Variants in NRG3 observed in about 807,000 individuals in gnomAD.
The protein encoded by NRG3 is neuregulin 3, also known as pro-neuregulin-3, membrane-bound isoform.
A neutral mutation model predicts 66.9 loss-of-function variants in NRG3; 31 were observed. That is an observed-to-expected ratio of 0.46 (90% CI 0.35 to 0.63). The LOEUF (loss-of-function observed/expected upper bound fraction) is 0.63. NRG3 is among the 20% of genes least tolerant of loss of function. NRG3 has a pLI of 0.00. For missense variants in NRG3, 910 were observed against 878.9 expected, an observed-to-expected ratio of 1.04 and a Z score of -0.45; for synonymous variants, 393 against 359.4, an observed-to-expected ratio of 1.09 and a Z score of -1.06.
chr10:82,918,713 C>T (rs1846121888), intron 4 of NRG3, among the ~76,000 whole-genome samples: 1 of 152,154 alleles, frequency 6.6e-6, no homozygotes, highest in South Asian at 2.1e-4. Context: ...AGGAAAAGTC[C>T]TGATATCCAT....
chr10:82,853,944 T>G (rs1271467463), intron 3 of NRG3, among the ~76,000 whole-genome samples: 1 of 152,218 alleles, frequency 6.6e-6, no homozygotes, highest in Non-Finnish European at 1.5e-5. Flanking sequence ...TTGCCATAGA[T>G]GGCTTTTATG....
intron 3 of NRG3, among the ~76,000 whole-genome samples, chr10:82,758,156 G>C (rs75901310): frequency 1.3e-5 from 2 of 152,018 alleles, no homozygotes; most frequent in Non-Finnish European, 2.9e-5. Context: ...TGCTTTTATT[G>C]TGTCATTTGA....
chr10:82,767,245 C>G (rs1358827102), intron 3 of NRG3, among the ~76,000 whole-genome samples: 1 of 151,982 alleles, frequency 6.6e-6, no homozygotes, highest in Non-Finnish European at 1.5e-5. Context: ...AAACAGATAC[C>G]TTCTCAATCT....
intron 1 of NRG3, among the ~76,000 whole-genome samples, chr10:82,110,545 G>T (rs1350915474): frequency 6.6e-6 from 1 of 152,228 alleles, no homozygotes; most frequent in Non-Finnish European, 1.5e-5. Flanking sequence ...TCCATGAAAT[G>T]ATGGCTTGGA....
chr10:82,305,185 TG>T (rs1269830026), intron 1 of NRG3, among the ~76,000 whole-genome samples: 1 of 151,620 alleles, frequency 6.6e-6, no homozygotes, highest in Admixed American at 6.6e-5. Flanking sequence ...TTAGTAGAGA[TG>T]GGGTTTCACC....
intron 4 of NRG3, 101 bp from the exon 5 acceptor site, chr10:82,951,368 T>G: frequency 1.2e-6 from 1 of 813,718 alleles, no homozygotes; most frequent in African/African-American, 1.7e-5. Context: ...ACCAAAAAGT[T>G]GGCTTTGAAA....
At chr10:82,305,538 G>A (rs1392745780) in intron 1 of NRG3, among the ~76,000 whole-genome samples, 2 of 151,918 alleles carry the variant, frequency 1.3e-5, no homozygotes, top group Non-Finnish European at 2.9e-5. Flanking sequence ...ATAAAATATT[G>A]AATTTCCATT....
intron 2 of NRG3, among the ~76,000 whole-genome samples, chr10:82,588,776 C>T (rs979822690): frequency 1.3e-5 from 2 of 152,194 alleles, no homozygotes; most frequent in African/African-American, 2.4e-5. Flanking sequence ...GTTGGGATTA[C>T]AGGCGTGAGC....
chr10:82,177,516 A>T (rs2073121502), intron 1 of NRG3, among the ~76,000 whole-genome samples: 1 of 152,220 alleles, frequency 6.6e-6, no homozygotes, highest in African/African-American at 2.4e-5. Flanking sequence ...CGTATTACTT[A>T]GAGCATAATC....
At chr10:82,341,900 A>G (rs983258352) in intron 1 of NRG3, among the ~76,000 whole-genome samples, 1 of 152,042 alleles carries the variant, frequency 6.6e-6, no homozygotes, top group Non-Finnish European at 1.5e-5. Context: ...TATTTTACTT[A>G]GGATCGTTGC....
intron 1 of NRG3, among the ~76,000 whole-genome samples, chr10:82,220,447 G>T (rs2075886908): frequency 6.6e-6 from 1 of 152,054 alleles, no homozygotes; most frequent in Admixed American, 6.5e-5. Flanking sequence ...CCTTCACTTT[G>T]TTATGTATGG....
intron 2 of NRG3, among the ~76,000 whole-genome samples, chr10:82,398,854 G>C (rs1230472293): frequency 6.6e-6 from 1 of 152,112 alleles, no homozygotes; most frequent in Non-Finnish European, 1.5e-5. Flanking sequence ...GAAGGAATCA[G>C]CTTGAGCTGC....
chr10:82,786,042 G>A (rs1343023659), intron 3 of NRG3, among the ~76,000 whole-genome samples: 2 of 152,132 alleles, frequency 1.3e-5, no homozygotes, highest in Non-Finnish European at 2.9e-5. Flanking sequence ...CTTGTCACAG[G>A]GATGGTGCCA....
intron 1 of NRG3, among the ~76,000 whole-genome samples, chr10:81,982,150 C>G (rs1349172635): frequency 1.3e-5 from 2 of 152,184 alleles, no homozygotes; most frequent in African/African-American, 2.4e-5. Flanking sequence ...ACTGTACCTT[C>G]AACACTTTGC....
At chr10:82,125,510 T>C (rs1590203819) in intron 1 of NRG3, among the ~76,000 whole-genome samples, 1 of 152,180 alleles carries the variant, frequency 6.6e-6, no homozygotes, top group Non-Finnish European at 1.5e-5. Context: ...AAATGATAAC[T>C]AGCTGGGACA....
chr10:82,571,931 G>A lies in NRG3; in HGVS notation c.954-166646G>A, dbSNP rs375099894. Among the ~76,000 whole-genome samples, 5 of 151,636 alleles carry A rather than the reference G, an allele frequency of 3.3e-5. No individual in the cohort carries two copies. In the East Asian group the frequency reaches 7.8e-4, roughly 24 times the overall value. On this transcript the variant is annotated intron_variant, in intron 2 of 8. Transcript: ENST00000372141. The stretch of plus-strand genomic sequence containing the variant: ...ACAATGAATACCTTTGGGGAGGAGT[G>A]CAGTTAGGAAGTAAGGGAGGTAATA...
At chr10:82,051,785 C>T (rs1483211620) in intron 1 of NRG3, among the ~76,000 whole-genome samples, 1 of 151,996 alleles carries the variant, frequency 6.6e-6, no homozygotes, top group Non-Finnish European at 1.5e-5. Context: ...AAATTATCTC[C>T]ACCACAGTGT....
At chr10:82,501,237 G>A (rs1844153011) in intron 2 of NRG3, among the ~76,000 whole-genome samples, 1 of 152,062 alleles carries the variant, frequency 6.6e-6, no homozygotes, top group Non-Finnish European at 1.5e-5. Context: ...GAAAGAAGTG[G>A]ACTGGAGATA....
rs1182656941 is a variant in NRG3, at chr10:82,024,127, A to G, written c.823+147964A>G. On this transcript the variant is annotated intron_variant, in intron 1 of 8. Coordinates refer to ENST00000372141, the MANE Select transcript of NRG3 (RefSeq NM_001010848.4). ...TATCCACATTTTTTTAGGTTTTTCA[A>G]TTTGTTGGCTTATGGTTGTTCAGAA... is the stretch of plus-strand genomic sequence containing the variant. 2.6e-5 allele frequency among the ~76,000 whole-genome samples: 4 copies of G among 151,692 alleles called. No homozygotes were observed. In the East Asian group the frequency reaches 5.8e-4, roughly 22 times the overall value.
Sources: gnomAD v4.1 joint callset for allele counts (sites outside exome capture counted in the v4.1 genomes callset) on GRCh38, gnomAD v4.1.1 for gene constraint, MANE v1.5 for transcripts, NCBI Gene and HGNC (gene_info 2026-07-23, HGNC 2026-07-21) for gene names.